Variants in DPH1 observed in about 807,000 individuals in gnomAD.
DPH1 encodes the protein 2-(3-amino-3-carboxypropyl)histidine synthase subunit 1.
DPH1 carries 59 observed loss-of-function variants against 55.3 expected under a neutral mutation model. The observed-to-expected ratio is 1.07, with a 90% CI of 0.87 to 1.33. DPH1 has a LOEUF of 1.33. Ranked by LOEUF, DPH1 falls within the 40% of genes most tolerant of loss-of-function variation. The pLI, the probability that DPH1 is intolerant of heterozygous loss-of-function variation, is 0.00. For synonymous variants in DPH1, 238 were observed against 235.5 expected, an observed-to-expected ratio of 1.01 and a Z score of -0.10; for missense variants, 628 against 584.8, an observed-to-expected ratio of 1.07 and a Z score of -0.76.
At chr17:2,039,065 CTTTT>C (rs141735682) in intron 6 of DPH1, 40,289 of 147,560 alleles carry the variant, frequency 0.27, 5,589 homozygotes, top group Admixed American at 0.36. Flanking sequence ...GTCCTCTGGA[CTTTT>C]TTTTTTTTTT....
At chr17:2,041,724 C>G in intron 11 of DPH1, 44 bp from the exon 12 acceptor site, 1 of 1,583,964 alleles carries the variant, frequency 6.3e-7, no homozygotes, top group Non-Finnish European at 8.6e-7. Context: ...GAGGGAAACG[C>G]AGGGTCGCAG....
chr17:2,043,449 C>T lies in DPH1; in HGVS notation c.*863C>T, dbSNP rs1324682857. 4 of 247,504 alleles carry T rather than the reference C, an allele frequency of 1.6e-5. No homozygotes were observed. Among genetic ancestry groups the T allele is most frequent in the Non-Finnish European group, 3.1e-5 (4 of 128,248 alleles). 15.3% of individuals were successfully genotyped at this position (247,504 alleles called of 1,614,324 possible). ...GATTTTGAGCATCTTTTTCCTGGTA[C>T]ACACAGAAAAACATTTTATAATGGA... On this transcript the variant is annotated 3_prime_UTR_variant, in exon 13 of 13. Coordinates refer to ENST00000263083, the MANE Select transcript of DPH1 (RefSeq NM_001383.6).
chr17:2,041,380 G>A (rs2067520109), intron 10 of DPH1, 101 bp from the exon 11 acceptor site: 2 of 1,514,958 alleles, frequency 1.3e-6, no homozygotes, highest in Admixed American at 1.9e-5. Context: ...CTGTGGCAGG[G>A]GACAGTGTGC....
chr17:2,040,926 C>T (rs977015406), intron 9 of DPH1, 177 bp from the exon 10 acceptor site: 6 of 696,860 alleles, frequency 8.6e-6, no homozygotes, highest in Non-Finnish European at 1.5e-5. Flanking sequence ...GCAGAGGAAA[C>T]AGGAGAAAAC....
At chr17:2,042,000 T>C in intron 12 of DPH1, 125 bp downstream of exon 12, 1 of 1,490,106 alleles carries the variant, frequency 6.7e-7, no homozygotes, top group Non-Finnish European at 8.9e-7. Context: ...GTGCTTCCGC[T>C]CGGGGAAAGA....
rs202044246 is a variant in DPH1 at position 2,036,559 on chromosome 17, G to A, written c.431G>A (p.Arg144Gln). Residue 144 changes from arginine (R) to glutamine (Q), a missense_variant, in exon 5 of 13, where the codon CGG becomes CAG. Physicochemically the swap from Arg to Gln is conservative, Grantham distance 43 (BLOSUM62 1). Coordinates refer to ENST00000263083, the MANE Select transcript of DPH1 (RefSeq NM_001383.6). This position sits in a 1 kb window ranked among gnomAD's most constrained non-coding sequence, Gnocchi z 4.8. ...IPMDTSAQDFRVLYVFVDIRI... is the reference protein window; with the variant it reads ...IPMDTSAQDFQVLYVFVDIRI... ...ATGGACACCTCGGCCCAAGACTTCC[G>A]GGTGCTGTACGTCTTTGTGGACATC... The A allele has an allele frequency of 1.6e-5, 26 of 1,613,932 alleles. No individual in the cohort carries two copies. The highest frequency in any genetic ancestry group is 5.0e-5 in the Admixed American group (3 of 59,994).
chr17:2,036,097 G>A lies in DPH1; in HGVS notation c.400+6G>A, dbSNP rs1458886728. 2 of 1,613,676 alleles carry A rather than the reference G, an allele frequency of 1.2e-6. No homozygotes were observed. The highest frequency in any genetic ancestry group is 3.3e-5 in the Admixed American group (2 of 59,962). ...CTACGGCCACAGTTGCCTGAGTATG[G>A]TGGGGCCAGGACACCTGGACGGTGG... On this transcript the variant is annotated splice_donor_region_variant and intron_variant, in intron 4 of 12. Transcript: ENST00000263083. The surrounding 1 kb of genome is among the most constrained non-coding windows in gnomAD (Gnocchi z 4.8).
At position 2,042,838 on chromosome 17, in the gene DPH1, C is replaced by T. The variant is rs201826758; in HGVS notation, c.*252C>T. 7 of 1,614,162 alleles carry T rather than the reference C, an allele frequency of 4.3e-6. No homozygotes were observed. In the Admixed American group the frequency reaches 8.3e-5, roughly 19 times the overall value. ...GGGCCAGGCAGGCGATCCCCGCTTC[C>T]CCTTGCCACGGTTTATCCTCTTGGT... On this transcript the variant is annotated 3_prime_UTR_variant, in exon 13 of 13. Coordinates refer to ENST00000263083, the MANE Select transcript of DPH1 (RefSeq NM_001383.6).
chr17:2,040,254 C>G lies in DPH1; in HGVS notation c.786C>G (p.His262Gln), dbSNP rs750079556. 1.2e-6 allele frequency: 2 copies of G among 1,614,104 alleles called. No homozygotes were observed. Among genetic ancestry groups the G allele is most frequent in the Admixed American group, 1.7e-5 (1 of 60,030 alleles). ...DPYSKVLSRE[H>Q]YDHQRMQAAR... ...ATAGCAAAGTCCTATCCAGAGAACA[C>G]TATGACCACCAGCGCATGCAGGCTG... The change falls in exon 8 of 13, where the codon CAC becomes CAG. Residue 262 changes from histidine (H) to glutamine (Q), a missense_variant. By Grantham distance (24) the His-to-Gln change is conservative. Transcript: ENST00000263083.
chr17:2,030,310 T>C, intron 1 of DPH1, 80 bp downstream of exon 1: 1 of 1,434,660 alleles, frequency 7.0e-7, no homozygotes, highest in South Asian at 1.4e-5. Flanking sequence ...CCAACCCCCT[T>C]TAACGGCGGC....
intron 1 of DPH1, among the ~76,000 whole-genome samples, chr17:2,031,294 C>T (rs2067328394): frequency 6.6e-6 from 1 of 152,104 alleles, no homozygotes; most frequent in African/African-American, 2.4e-5. Flanking sequence ...GGCACGGTGG[C>T]TTACACCTGT....
At chr17:2,042,089 C>A in intron 12 of DPH1, 1 of 1,567,462 alleles carries the variant, frequency 6.4e-7, no homozygotes. Context: ...GCCTGGCGGG[C>A]TTCCGGCAGA....
rs1188955034 is a variant in DPH1 at position 2,039,792 on chromosome 17, A to G, written c.718A>G (p.Met240Val). 3 of 1,614,122 alleles carry G rather than the reference A, an allele frequency of 1.9e-6. No homozygotes were observed. ...TGGCCGCTTCCATCTGGAGTCTGTC[A>G]TGATTGCCAACCCCAATGTCCCCGC... ...GDGRFHLESVMIANPNVPAYR... is the reference protein window; with the variant it reads ...GDGRFHLESVVIANPNVPAYR... Residue 240 changes from methionine (M) to valine (V), a missense_variant, in exon 7 of 13, where the codon ATG becomes GTG. Met to Val is a conservative substitution (Grantham distance 21). Transcript: ENST00000263083.
rs1336318320 is a variant in DPH1 at position 2,036,576 on chromosome 17, G to A, written c.448G>A (p.Val150Met). 1.9e-6 allele frequency: 3 copies of A among 1,614,062 alleles called. No individual in the cohort carries two copies. The Admixed American group carries it at 5.0e-5, about 27-fold the overall frequency. Residue 150 changes from valine (V) to methionine (M), a missense_variant, in exon 5 of 13, where the codon GTG becomes ATG. Coordinates refer to ENST00000263083, the MANE Select transcript of DPH1 (RefSeq NM_001383.6). The surrounding 1 kb of genome is among the most constrained non-coding windows in gnomAD (Gnocchi z 4.8). ...AQDFRVLYVF[V>M]DIRIDTTHLL... Reference sequence around the variant, plus strand: ...AGACTTCCGGGTGCTGTACGTCTTTGTGGACATCCGGATAGACACTACACA... The same window carrying A: ...AGACTTCCGGGTGCTGTACGTCTTTATGGACATCCGGATAGACACTACACA...
At position 2,036,412 on chromosome 17, in the gene DPH1, T is replaced by C; in HGVS notation, c.401-117T>C. ...CTGTGACCCCCCTCTTCTCCTACCC[T>C]GTCCTTTTACCCCCAGGCTGAAGCC... On this transcript the variant is annotated intron_variant, in intron 4 of 12. Transcript: ENST00000263083. This position sits in a 1 kb window ranked among gnomAD's most constrained non-coding sequence, Gnocchi z 4.8. 7.4e-7 allele frequency: 1 copy of C among 1,354,448 alleles called. No homozygotes were observed. The highest frequency in any genetic ancestry group is 1.0e-6 in the Non-Finnish European group (1 of 975,724). 83.9% of individuals were successfully genotyped at this position (1,354,448 alleles called of 1,614,324 possible). A position where few individuals can be genotyped will look rare whatever the true frequency, so the allele number is the denominator to read the frequency against.
At chr17:2,038,946 T>C (rs1318084085) in intron 6 of DPH1, 1 of 152,152 alleles carries the variant, frequency 6.6e-6, no homozygotes, top group Admixed American at 6.5e-5. Flanking sequence ...CGTAGAGTCA[T>C]CCAATTCAAA....
In DPH1 at chr17:2,043,111, A is replaced by T. The variant is rs757867443; in HGVS notation, c.*525A>T. On this transcript the variant is annotated 3_prime_UTR_variant, in exon 13 of 13. Coordinates refer to ENST00000263083, the MANE Select transcript of DPH1 (RefSeq NM_001383.6). ...GGACCAGTTTGCAGAGTGAAAGATC[A>T]AGAAATGTCTCTGCTCCTACATCCA... 3 of 1,611,376 alleles carry T rather than the reference A, an allele frequency of 1.9e-6. No individual in the cohort carries two copies. Among genetic ancestry groups the T allele is most frequent in the South Asian group, 2.2e-5 (2 of 91,046 alleles).
At chr17:2,034,211 C>T (rs1407692490) in intron 3 of DPH1, among the ~76,000 whole-genome samples, 1 of 150,504 alleles carries the variant, frequency 6.6e-6, no homozygotes, top group Non-Finnish European at 1.5e-5. Flanking sequence ...CGGTCGGGGG[C>T]GGTGGGGGGC....
In DPH1 at chr17:2,041,612, G is replaced by A. The variant is rs751906149; in HGVS notation, c.1218G>A (p.Ala406=). Residue 406 remains alanine (A), a synonymous_variant, in exon 11 of 13, where the codon GCG becomes GCA. Coordinates refer to ENST00000263083, the MANE Select transcript of DPH1 (RefSeq NM_001383.6). ...GTCCCCACGCCCCGGGCCGGCCCGC[G>A]CGGGGGAAGGTAGGCGGGGGCTTCC... ...DRRPHAPGRP[A]RGKVQEGSAR... 6.2e-7 allele frequency: 1 copy of A among 1,604,882 alleles called. No individual in the cohort carries two copies. The highest frequency in any genetic ancestry group is 8.5e-7 in the Non-Finnish European group (1 of 1,176,440).
Sources: gnomAD v4.1 joint callset for allele counts (sites outside exome capture counted in the v4.1 genomes callset) on GRCh38, gnomAD v4.1.1 for gene constraint, Gnocchi (gnomAD v3.1) non-coding constraint, MANE v1.5 for transcripts, NCBI Gene and HGNC (gene_info 2026-07-23, HGNC 2026-07-21) for gene names.